The following PLSCR2 variants were observed in gnomAD, a reference collection of about 807,000 sequenced individuals.
PLSCR2 encodes the protein phospholipid scramblase 2.
PLSCR2 carries 18 observed loss-of-function variants against 25.3 expected under a neutral mutation model. The ratio of observed to expected loss-of-function variants is 0.71; its 90% CI spans 0.49 to 1.06. The LOEUF (loss-of-function observed/expected upper bound fraction) is 1.06. Ranked by LOEUF, PLSCR2 falls within the 50% of genes least tolerant of loss-of-function variation. PLSCR2 has a pLI of 0.00. For synonymous variants in PLSCR2, 88 were observed against 87.3 expected (o/e 1.01, Z -0.04); for missense variants, 243 against 269.5 (o/e 0.90, Z 0.69).
chr3:146,443,910 CT>C (rs1173478620), intron 6 of PLSCR2, among the ~76,000 whole-genome samples: 1 of 151,778 alleles, frequency 6.6e-6, no homozygotes, highest in Non-Finnish European at 1.5e-5. Context: ...TATAAACTTT[CT>C]TCTTAGTACT....
intron 2 of PLSCR2, among the ~76,000 whole-genome samples, chr3:146,423,677 A>G (rs2039238356): frequency 6.6e-6 from 1 of 152,060 alleles, no homozygotes; most frequent in Non-Finnish European, 1.5e-5. Flanking sequence ...ATCCTGCATT[A>G]TTCAGGTGGA....
At chr3:146,424,249 T>G (rs1161041744) in intron 2 of PLSCR2, among the ~76,000 whole-genome samples, 1 of 152,100 alleles carries the variant, frequency 6.6e-6, no homozygotes, top group African/African-American at 2.4e-5. Flanking sequence ...TTGGTGCTTG[T>G]GCCCAGAAAG....
At chr3:146,455,184 G>A (rs1054225427) in intron 4 of PLSCR2, 55 bp downstream of exon 4, 1 of 1,116,910 alleles carries the variant, frequency 9.0e-7, no homozygotes, top group Non-Finnish European at 1.4e-6. Context: ...TCAATAAAAG[G>A]GTGGAAATCC....
At chr3:146,415,171 T>C (rs1377339911) in intron 2 of PLSCR2, 4 of 152,580 alleles carry the variant, frequency 2.6e-5, no homozygotes, top group Admixed American at 1.3e-4. Context: ...GATTTATCTA[T>C]TAGAGTAAAA....
chr3:146,490,475 A>C (rs2043507781), intron 1 of PLSCR2, among the ~76,000 whole-genome samples: 1 of 152,100 alleles, frequency 6.6e-6, no homozygotes, highest in South Asian at 2.1e-4. Context: ...TATTGTGATT[A>C]TCTAATTGTG....
intron 1 of PLSCR2, among the ~76,000 whole-genome samples, chr3:146,477,012 T>A (rs893473726): frequency 6.6e-6 from 1 of 152,214 alleles, no homozygotes; most frequent in African/African-American, 2.4e-5. Flanking sequence ...ACAGCCAGGG[T>A]ACTTTGTTAA....
chr3:146,407,630 T>A (rs2038698025), intron 2 of PLSCR2, among the ~76,000 whole-genome samples: 3 of 152,266 alleles, frequency 2.0e-5, no homozygotes, highest in Admixed American at 2.0e-4. Flanking sequence ...GTGAGTAGCC[T>A]GCATTCCTGG....
At chr3:146,480,696 C>A (rs974999094) in intron 1 of PLSCR2, among the ~76,000 whole-genome samples, 12 of 152,092 alleles carry the variant, frequency 7.9e-5, no homozygotes, top group Non-Finnish European at 1.3e-4. Flanking sequence ...CTATTCCAAT[C>A]AATAGAAAAA....
rs115832928 is a variant in PLSCR2 at position 146,469,015 on chromosome 3, C to T, written c.-292-8731G>A. 4.6e-3 allele frequency: 2,496 copies of T among 544,474 alleles called. 13 individuals carry two copies. Among genetic ancestry groups the T allele is most frequent in the South Asian group, 0.014 (174 of 12,374 alleles). The allele number at this position is 544,474 out of a possible 1,614,324, so 33.7% of individuals were successfully genotyped here. ...CTGGAGCTAATGGTCTTAGGAACCG[C>T]GCTACATACCGCCACTATCTTTCCT... is the stretch of plus-strand genomic sequence containing the variant. On this transcript the variant is annotated intron_variant, in intron 1 of 8. Transcript: ENST00000336685.
downstream of PLSCR2, among the ~76,000 whole-genome samples, chr3:146,431,742 A>G (rs1210127576): frequency 2.0e-5 from 3 of 152,194 alleles, no homozygotes. Context: ...AAGAATACGA[A>G]GACTGGGGTG....
chr3:146,475,752 CTA>C (rs1185619407), intron 1 of PLSCR2, among the ~76,000 whole-genome samples: 1 of 152,136 alleles, frequency 6.6e-6, no homozygotes, highest in Non-Finnish European at 1.5e-5. Flanking sequence ...TTTGGGGACA[CTA>C]TTTCAAAGAT....
chr3:146,490,380 G>C (rs1475215649), intron 1 of PLSCR2, among the ~76,000 whole-genome samples: 1 of 152,054 alleles, frequency 6.6e-6, no homozygotes, highest in Non-Finnish European at 1.5e-5. Context: ...TCTGCCATGA[G>C]AATACTTCCT....
intron 3 of PLSCR2, among the ~76,000 whole-genome samples, chr3:146,455,974 A>T (rs2041193587): frequency 1.3e-5 from 2 of 152,182 alleles, no homozygotes; most frequent in South Asian, 4.1e-4. Flanking sequence ...GCACGTGCAT[A>T]AAAAGTGAGA....
intron 5 of PLSCR2, 113 bp downstream of exon 5, chr3:146,453,889 C>A: frequency 1.3e-6 from 1 of 752,932 alleles, no homozygotes; most frequent in Non-Finnish European, 2.0e-6. Context: ...GGAACATTAT[C>A]TTGCTATTGA....
downstream of PLSCR2, among the ~76,000 whole-genome samples, chr3:146,439,178 C>A (rs1409497263): frequency 6.6e-6 from 1 of 152,146 alleles, no homozygotes; most frequent in African/African-American, 2.4e-5. Context: ...TTGTGGGTAA[C>A]CTGACCTTTC....
chr3:146,457,896 A>G (rs928239263), intron 3 of PLSCR2, among the ~76,000 whole-genome samples: 6 of 151,586 alleles, frequency 4.0e-5, no homozygotes, highest in Admixed American at 6.6e-5. Context: ...ATCCCACAGT[A>G]TTTGTAGGAG....
chr3:146,405,866 A>G lies in PLSCR2; in HGVS notation c.101-9945T>C, dbSNP rs76622380. ...ATTTTTCTCGCACCTTTTAGAGTAT[A>G]TATTTTTTTATTACTAAGAATGGTG... On this transcript the variant is annotated intron_variant and NMD_transcript_variant, in intron 2 of 3. Coordinates refer to the PLSCR2 transcript ENST00000463633. Among the ~76,000 whole-genome samples the G allele has an allele frequency of 4.1e-4, 62 of 152,150 alleles. 1 individual carries two copies. The East Asian group carries it at 0.011, about 27-fold the overall frequency.
At chr3:146,488,674 G>A (rs1428778930) in intron 1 of PLSCR2, among the ~76,000 whole-genome samples, 1 of 152,030 alleles carries the variant, frequency 6.6e-6, no homozygotes, top group African/African-American at 2.4e-5. Flanking sequence ...AGAAACAATG[G>A]ATGCTGGCGA....
chr3:146,394,068 C>T (rs1331822637), intron 3 of PLSCR2, among the ~76,000 whole-genome samples: 1 of 151,848 alleles, frequency 6.6e-6, no homozygotes, highest in East Asian at 1.9e-4. Flanking sequence ...ATTGTAGTTA[C>T]CCATTTTGTT....
Sources: allele counts gnomAD v4.1 joint callset (sites outside exome capture counted in the v4.1 genomes callset), GRCh38; gene constraint gnomAD v4.1.1; transcripts MANE v1.5; gene names NCBI Gene and HGNC (gene_info 2026-07-23, HGNC 2026-07-21).